ZC4H2: variants seen among roughly 807,000 people sequenced by gnomAD.
ZC4H2 encodes zinc finger C4H2 domain-containing protein.
For synonymous variants in ZC4H2, 84 were observed against 66.3 expected, an observed-to-expected ratio of 1.27 and a Z score of -1.30; for missense variants, 137 against 173.9, an observed-to-expected ratio of 0.79 and a Z score of 1.19.
chrX:64,976,550 G>A (rs1290370119), upstream of ZC4H2: 3 of 474,800 alleles, frequency 6.3e-6, no homozygotes, highest in Non-Finnish European at 1.1e-5. Context: ...CAGGAAGCCC[G>A]GGGGCCTGTA....
intron 1 of ZC4H2, among the ~76,000 whole-genome samples, chrX:64,961,586 A>T (rs1017623779): frequency 9.0e-6 from 1 of 111,214 alleles, no homozygotes; most frequent in Admixed American, 9.6e-5. Flanking sequence ...ATGAAGAGAG[A>T]GCAGAAATAA....
chrX:64,980,248 G>C (rs1932056139), upstream of ZC4H2, among the ~76,000 whole-genome samples: 1 of 112,309 alleles, frequency 8.9e-6, no homozygotes, highest in Non-Finnish European at 1.9e-5. Context: ...AGATACGACA[G>C]ACATGGGCCC....
At chrX:65,030,950 G>C (rs1162921544) in intron 1 of ZC4H2, among the ~76,000 whole-genome samples, 1 of 111,004 alleles carries the variant, frequency 9.0e-6, no homozygotes, top group Non-Finnish European at 1.9e-5. Context: ...TGCCTCCACT[G>C]TGCTCCTTGT....
At chrX:64,926,967 T>G (rs903079241) in intron 1 of ZC4H2, among the ~76,000 whole-genome samples, 2 of 111,737 alleles carry the variant, frequency 1.8e-5, no homozygotes, top group African/African-American at 6.5e-5. Flanking sequence ...GTTTTCTCAC[T>G]GTTGAGTTTT....
In ZC4H2 at chrX:64,931,052, G is replaced by C. The variant is rs112510111; in HGVS notation, c.54-9064C>G. ...CAATCTTGCTTTTTGTTATTGGTCTGTTCAGGGTTTCTGTTTCTTCCTGAT... is the reference window on the plus strand; with the variant it reads ...CAATCTTGCTTTTTGTTATTGGTCTCTTCAGGGTTTCTGTTTCTTCCTGAT... On this transcript the variant is annotated intron_variant, in intron 1 of 4. Coordinates refer to ENST00000374839, the MANE Select transcript of ZC4H2 (RefSeq NM_018684.4). 9.0e-3 allele frequency among the ~76,000 whole-genome samples: 1,005 copies of C among 111,757 alleles called. 17 individuals are homozygous for C. The highest frequency in any genetic ancestry group is 0.031 in the African/African-American group (959 of 30,797).
rs769358401 is a variant in ZC4H2 at position 64,976,424 on chromosome X, A to G, written c.-47T>C. 8.6e-7 allele frequency: 1 copy of G among 1,162,700 alleles called. No homozygotes were observed. The highest frequency in any genetic ancestry group is 2.2e-5 in the Admixed American group (1 of 45,983). On this transcript the variant is annotated 5_prime_UTR_variant, in exon 1 of 5. Transcript: ENST00000374839. ...GTCCCGAGAGATGTACAAATACACC[A>G]GCCAAGGGATACAATAGACACAATG...
chrX:64,932,378 G>A (rs145874674), intron 1 of ZC4H2, among the ~76,000 whole-genome samples: 1 of 111,340 alleles, frequency 9.0e-6, no homozygotes, highest in Non-Finnish European at 1.9e-5. Context: ...GTATTGAAAT[G>A]TGAGGTACTG....
intron 1 of ZC4H2, among the ~76,000 whole-genome samples, chrX:64,943,544 G>A (rs1395049334): frequency 9.0e-6 from 1 of 110,586 alleles, no homozygotes; most frequent in African/African-American, 3.4e-5. Flanking sequence ...ATTTAGGATA[G>A]GTAGCTCTTC....
chrX:65,011,080 T>C (rs922299594), intron 1 of ZC4H2, among the ~76,000 whole-genome samples: 7 of 111,817 alleles, frequency 6.3e-5, no homozygotes, highest in Non-Finnish European at 9.4e-5. Context: ...AGTCTTTTTC[T>C]TCTAAGGTTT....
intron 1 of ZC4H2, among the ~76,000 whole-genome samples, chrX:65,010,465 C>CT (rs777617980): frequency 1.0e-3 from 112 of 111,055 alleles, no homozygotes; most frequent in African/African-American, 3.4e-3. Context: ...ACTTTCAAAT[C>CT]TTTTTTTTTC....
chrX:65,013,363 T>A (rs1275964636), intron 1 of ZC4H2, among the ~76,000 whole-genome samples: 2 of 111,605 alleles, frequency 1.8e-5, no homozygotes, highest in Non-Finnish European at 3.8e-5. Flanking sequence ...CTCTGTGTAA[T>A]CCCCTCCTAT....
At chrX:64,969,610 G>A (rs1931706547) in intron 1 of ZC4H2, among the ~76,000 whole-genome samples, 1 of 111,939 alleles carries the variant, frequency 8.9e-6, no homozygotes, top group African/African-American at 3.3e-5. Flanking sequence ...TGCACCACCA[G>A]CAGCAGCATT....
At chrX:64,939,016 C>G (rs760904421) in intron 1 of ZC4H2, among the ~76,000 whole-genome samples, 2 of 112,040 alleles carry the variant, frequency 1.8e-5, no homozygotes, top group Non-Finnish European at 3.8e-5. Context: ...TTGCAGATGA[C>G]ATGATCATAT....
At chrX:64,972,903 T>A (rs929111113) in intron 1 of ZC4H2, among the ~76,000 whole-genome samples, 14 of 112,432 alleles carry the variant, frequency 1.2e-4, no homozygotes, top group South Asian at 3.7e-4. Context: ...CCATTTTAAA[T>A]TCTTAAACCA....
chrX:64,952,204 C>T (rs1930880175), intron 1 of ZC4H2, among the ~76,000 whole-genome samples: 1 of 110,374 alleles, frequency 9.1e-6, no homozygotes, highest in South Asian at 3.8e-4. Flanking sequence ...GTTACTGTAG[C>T]CTTGAAGTAT....
At chrX:64,925,566 A>G (rs970480566) in intron 1 of ZC4H2, among the ~76,000 whole-genome samples, 2 of 112,012 alleles carry the variant, frequency 1.8e-5, no homozygotes, top group Non-Finnish European at 3.8e-5. Flanking sequence ...GGTATCTCCC[A>G]TTGCCATTTA....
chrX:64,929,338 A>G (rs1180940350), intron 1 of ZC4H2, among the ~76,000 whole-genome samples: 1 of 111,893 alleles, frequency 8.9e-6, no homozygotes, highest in Non-Finnish European at 1.9e-5. Context: ...TACTCTGCTG[A>G]TAATTTCACT....
chrX:64,936,655 T>C (rs772939224), intron 1 of ZC4H2, among the ~76,000 whole-genome samples: 1 of 110,727 alleles, frequency 9.0e-6, no homozygotes, highest in African/African-American at 3.3e-5. Flanking sequence ...AACCCAGAAT[T>C]TCATATCCAC....
At chrX:64,937,000 C>T (rs1276616463) in intron 1 of ZC4H2, among the ~76,000 whole-genome samples, 1 of 110,778 alleles carries the variant, frequency 9.0e-6, no homozygotes, top group Non-Finnish European at 1.9e-5. Context: ...CAAGATCCAT[C>T]AGTGTGCTGT....
Sources: allele counts gnomAD v4.1 joint callset (sites outside exome capture counted in the v4.1 genomes callset), GRCh38; gene constraint gnomAD v4.1.1; transcripts MANE v1.5; gene names NCBI Gene and HGNC (gene_info 2026-07-23, HGNC 2026-07-21).